KCNIP3: variants seen among roughly 807,000 people sequenced by gnomAD.
KCNIP3 encodes calsenilin.
A neutral mutation model predicts 35.0 loss-of-function variants in KCNIP3; 28 were observed. The ratio of observed to expected loss-of-function variants is 0.80; its 90% CI spans 0.59 to 1.10. The LOEUF (loss-of-function observed/expected upper bound fraction) is 1.10. Among genes scored for constraint, KCNIP3 ranks in the 50% least tolerant of loss-of-function variants. KCNIP3 has a pLI of 0.00. For synonymous variants in KCNIP3, 134 were observed against 133.8 expected (o/e 1.00, Z -0.01); for missense variants, 295 against 338.4 (o/e 0.87, Z 1.01).
intron 1 of KCNIP3, among the ~76,000 whole-genome samples, chr2:95,301,533 G>A (rs754791715): frequency 1.5e-4 from 23 of 152,154 alleles, no homozygotes; most frequent in Non-Finnish European, 8.8e-5. Flanking sequence ...ATTTTCCTGG[G>A]GGAAGTATGA....
At chr2:95,322,206 A>G (rs1342240625) in intron 2 of KCNIP3, among the ~76,000 whole-genome samples, 1 of 152,130 alleles carries the variant, frequency 6.6e-6, no homozygotes, top group Non-Finnish European at 1.5e-5. Context: ...TCTACAAAAA[A>G]TACAAAAATT....
In KCNIP3 at chr2:95,377,434, C is replaced by T. The variant is rs368400987; in HGVS notation, c.447+2226C>T. Reference sequence around the variant, plus strand: ...AGCAACCACATGCGACTCCCACCCCCTCGCTGAGCACCTGCTCCGGGCTCT... The same window carrying T: ...AGCAACCACATGCGACTCCCACCCCTTCGCTGAGCACCTGCTCCGGGCTCT... On this transcript the variant is annotated intron_variant, in intron 5 of 8. Transcript: ENST00000295225. This position sits in a 1 kb window ranked among gnomAD's most constrained non-coding sequence, Gnocchi z 4.7. 6.6e-6 allele frequency among the ~76,000 whole-genome samples: 1 copy of T among 152,262 alleles called. No homozygotes were observed. Among genetic ancestry groups the T allele is most frequent in the Non-Finnish European group, 1.5e-5 (1 of 68,052 alleles).
At chr2:95,326,215 ACACT>A (rs1001275922) in intron 2 of KCNIP3, among the ~76,000 whole-genome samples, 13 of 150,226 alleles carry the variant, frequency 8.7e-5, no homozygotes, top group Non-Finnish European at 1.6e-4. Flanking sequence ...ATATACACAC[ACACT>A]CATACACATA....
chr2:95,367,070 C>T (rs1679934440), intron 2 of KCNIP3, among the ~76,000 whole-genome samples: 2 of 152,000 alleles, frequency 1.3e-5, no homozygotes, highest in East Asian at 3.9e-4. Context: ...GTCAGGAGTT[C>T]GAGACCAGCC....
At chr2:95,346,865 G>T in intron 2 of KCNIP3, 1 of 289,610 alleles carries the variant, frequency 3.5e-6, no homozygotes, top group Non-Finnish European at 6.1e-6. Flanking sequence ...ACGGGGCCCC[G>T]GCCCAGCCAA....
At chr2:95,373,414 GTTTTTTTT>G (rs70964869) in intron 2 of KCNIP3, among the ~76,000 whole-genome samples, 1 of 59,984 alleles carries the variant, frequency 1.7e-5, no homozygotes, top group African/African-American at 6.8e-5. Flanking sequence ...CAAGTTTGTG[GTTTTTTTT>G]TTTTTTTTTT....
chr2:95,358,363 G>A (rs1679709041), intron 2 of KCNIP3, among the ~76,000 whole-genome samples: 1 of 152,162 alleles, frequency 6.6e-6, no homozygotes, highest in Admixed American at 6.5e-5. Context: ...ATGGGGTATG[G>A]GACAGGACCT....
chr2:95,343,589 C>T (rs906582721), intron 2 of KCNIP3, among the ~76,000 whole-genome samples: 54 of 152,096 alleles, frequency 3.6e-4, no homozygotes, highest in African/African-American at 1.2e-3. Context: ...GCTAGGTGGT[C>T]AGGAACAGTT....
intron 2 of KCNIP3, among the ~76,000 whole-genome samples, chr2:95,330,165 C>G (rs1678890406): frequency 6.6e-6 from 1 of 152,210 alleles, no homozygotes; most frequent in African/African-American, 2.4e-5. Context: ...CGCGGCTCCC[C>G]AGGGTGCCCT....
At chr2:95,346,102 G>C (rs1282921441) in intron 2 of KCNIP3, among the ~76,000 whole-genome samples, 1 of 152,230 alleles carries the variant, frequency 6.6e-6, no homozygotes, top group Non-Finnish European at 1.5e-5. Flanking sequence ...TTTCCAGAAC[G>C]GGAGAACTTT....
At chr2:95,298,896 T>C (rs911731125) in intron 1 of KCNIP3, 4 of 152,152 alleles carry the variant, frequency 2.6e-5, no homozygotes, top group African/African-American at 9.7e-5. Context: ...CAGAGACACA[T>C]TGAGCGACCC....
chr2:95,331,518 C>G (rs754341451), intron 2 of KCNIP3, among the ~76,000 whole-genome samples: 7 of 152,146 alleles, frequency 4.6e-5, no homozygotes, highest in Non-Finnish European at 8.8e-5. Flanking sequence ...GGATTTGAAG[C>G]CAAAAGACCG....
chr2:95,327,461 C>T (rs1376125683), intron 2 of KCNIP3, among the ~76,000 whole-genome samples: 1 of 151,612 alleles, frequency 6.6e-6, no homozygotes, highest in African/African-American at 2.4e-5. Flanking sequence ...GCACAGTCAC[C>T]ATGCACACTC....
intron 3 of KCNIP3, 86 bp downstream of exon 3, chr2:95,374,506 C>T: frequency 1.3e-6 from 2 of 1,499,936 alleles, no homozygotes; most frequent in Admixed American, 4.1e-5. Context: ...CAGTAAATAT[C>T]CCAGGGGCCT....
Position 95,384,593 on chromosome 2 carries a change from G to A in KCNIP3, c.*544G>A, listed in dbSNP as rs1680442700. 1.3e-5 allele frequency: 2 copies of A among 154,242 alleles called. No individual in the cohort carries two copies. Among genetic ancestry groups the A allele is most frequent in the African/African-American group, 4.8e-5 (2 of 41,504 alleles). 9.6% of individuals were successfully genotyped at this position (154,242 alleles called of 1,614,324 possible). ...CCAGCTGGGGGGCAGGGGGGAGAGG[G>A]GGTAATGGAGGCCAAGCCTGCAGCT... On this transcript the variant is annotated 3_prime_UTR_variant, in exon 9 of 9. Transcript: ENST00000295225.
chr2:95,327,987 G>A (rs1023048449), intron 2 of KCNIP3, among the ~76,000 whole-genome samples: 1 of 152,246 alleles, frequency 6.6e-6, no homozygotes, highest in East Asian at 1.9e-4. Context: ...CCTGACCTGG[G>A]GAGATTTGCA....
intron 2 of KCNIP3, among the ~76,000 whole-genome samples, chr2:95,344,873 C>T (rs1679309489): frequency 6.6e-6 from 1 of 152,228 alleles, no homozygotes; most frequent in Non-Finnish European, 1.5e-5. Flanking sequence ...TGTACCACTA[C>T]ACTTTTACAG....
chr2:95,354,593 A>G (rs1270018340), intron 2 of KCNIP3, among the ~76,000 whole-genome samples: 1 of 152,162 alleles, frequency 6.6e-6, no homozygotes, highest in African/African-American at 2.4e-5. Flanking sequence ...TTGCTCCTCC[A>G]TCCTGGGAGG....
chr2:95,345,752 C>A (rs925545141), intron 2 of KCNIP3, among the ~76,000 whole-genome samples: 1 of 152,258 alleles, frequency 6.6e-6, no homozygotes, highest in Non-Finnish European at 1.5e-5. Context: ...TCCGGCCTCG[C>A]GGCTCCAAGG....
Sources: gnomAD v4.1 joint callset for allele counts (sites outside exome capture counted in the v4.1 genomes callset) on GRCh38, gnomAD v4.1.1 for gene constraint, Gnocchi (gnomAD v3.1) non-coding constraint, MANE v1.5 for transcripts, NCBI Gene and HGNC (gene_info 2026-07-23, HGNC 2026-07-21) for gene names.